Variants in KCNQ3 observed in about 807,000 individuals in gnomAD.
The protein encoded by KCNQ3 is potassium voltage-gated channel subfamily Q member 3, also known as potassium voltage-gated channel subfamily KQT member 3.
KCNQ3 carries 30 observed loss-of-function variants against 92.5 expected under a neutral mutation model. The ratio of observed to expected loss-of-function variants is 0.32; its 90% CI spans 0.24 to 0.44. The LOEUF (loss-of-function observed/expected upper bound fraction) is 0.44, where lower values mean the gene tolerates loss of function less well. Ranked by LOEUF, KCNQ3 falls within the 20% of genes least tolerant of loss-of-function variation. The pLI is 1.00. For missense variants in KCNQ3, 913 were observed against 1,140.3 expected, an observed-to-expected ratio of 0.80 and a Z score of 2.87; for synonymous variants, 450 against 468.8, an observed-to-expected ratio of 0.96 and a Z score of 0.52.
chr8:132,186,944 G>GAC (rs1826981783), intron 1 of KCNQ3, among the ~76,000 whole-genome samples: 1 of 116,328 alleles, frequency 8.6e-6, no homozygotes, highest in Admixed American at 8.0e-5. Context: ...GAGAGAGAGA[G>GAC]AGAGAGAGAG....
chr8:132,268,062 C>G (rs563718268), intron 1 of KCNQ3, among the ~76,000 whole-genome samples: 117 of 152,250 alleles, frequency 7.7e-4, no homozygotes, highest in Admixed American at 1.9e-3. Flanking sequence ...ATATATTGAT[C>G]TAAAAATCCT....
intron 1 of KCNQ3, among the ~76,000 whole-genome samples, chr8:132,349,667 C>T (rs1415959123): frequency 6.6e-6 from 1 of 152,252 alleles, no homozygotes; most frequent in Non-Finnish European, 1.5e-5. Context: ...GGAACAGATT[C>T]AGCCCAGGAG....
intron 1 of KCNQ3, among the ~76,000 whole-genome samples, chr8:132,384,351 G>T (rs1819837855): frequency 6.6e-6 from 1 of 152,222 alleles, no homozygotes; most frequent in African/African-American, 2.4e-5. Flanking sequence ...TTCACAAGAA[G>T]AGCAGATAGG....
chr8:132,300,492 C>A (rs973854183), intron 1 of KCNQ3, among the ~76,000 whole-genome samples: 11 of 152,138 alleles, frequency 7.2e-5, no homozygotes, highest in African/African-American at 2.7e-4. Context: ...AAAACCAGAA[C>A]CTGCTGAGAG....
intron 1 of KCNQ3, among the ~76,000 whole-genome samples, chr8:132,364,987 T>C (rs529513295): frequency 6.6e-6 from 1 of 152,068 alleles, no homozygotes; most frequent in Admixed American, 6.6e-5. Context: ...GAAGTGGTTG[T>C]CTCCTATTGT....
At chr8:132,363,717 C>A (rs1470311358) in intron 1 of KCNQ3, among the ~76,000 whole-genome samples, 1 of 151,818 alleles carries the variant, frequency 6.6e-6, no homozygotes, top group African/African-American at 2.4e-5. Flanking sequence ...GTGGCTCCCA[C>A]GTGCTCACGT....
chr8:132,467,522 A>G (rs1822201133), intron 1 of KCNQ3, among the ~76,000 whole-genome samples: 1 of 152,132 alleles, frequency 6.6e-6, no homozygotes, highest in South Asian at 2.1e-4. Flanking sequence ...GGAAGGACAG[A>G]AAAAGGGGGA....
chr8:132,368,064 C>T lies in KCNQ3; in HGVS notation c.386+112083G>A, dbSNP rs555287959. Among the ~76,000 whole-genome samples the T allele has an allele frequency of 3.3e-5, 5 of 152,262 alleles. No homozygotes were observed. The East Asian group carries it at 9.6e-4, about 29-fold the overall frequency. On this transcript the variant is annotated intron_variant, in intron 1 of 14. Coordinates refer to ENST00000388996, the MANE Select transcript of KCNQ3 (RefSeq NM_004519.4). Reference sequence around the variant, plus strand: ...CACAAGGCAACAGCACCTCCTTTCACAGGAGATATGTGAGAACTAAGTACA... The same window carrying T: ...CACAAGGCAACAGCACCTCCTTTCATAGGAGATATGTGAGAACTAAGTACA...
chr8:132,415,067 C>A (rs1820759918), intron 1 of KCNQ3, among the ~76,000 whole-genome samples: 2 of 152,166 alleles, frequency 1.3e-5, no homozygotes, highest in South Asian at 4.1e-4. Context: ...AAAGCAAGGG[C>A]AATTAAAGGC....
At chr8:132,450,991 G>A (rs969875963) in intron 1 of KCNQ3, among the ~76,000 whole-genome samples, 2 of 152,330 alleles carry the variant, frequency 1.3e-5, no homozygotes, top group African/African-American at 4.8e-5. Flanking sequence ...TTTCTGAAGA[G>A]CTTTTACTCA....
In KCNQ3 at chr8:132,125,648, A is replaced by C. The variant is rs544208478; in HGVS notation, c.*3614T>G. The C allele has an allele frequency of 6.6e-6, 1 of 152,324 alleles. No individual in the cohort carries two copies. Among genetic ancestry groups the C allele is most frequent in the African/African-American group, 2.4e-5 (1 of 41,574 alleles). The allele number at this position is 152,324 out of a possible 1,614,324, so 9.4% of individuals were successfully genotyped here. A position where few individuals can be genotyped will look rare whatever the true frequency, so the allele number is the denominator to read the frequency against. On this transcript the variant is annotated 3_prime_UTR_variant, in exon 15 of 15. Transcript: ENST00000388996. The stretch of plus-strand genomic sequence containing the variant: ...AGGTCCTATTAGATTAGGTTTTTCT[A>C]CAGGAAATTATTCTTTCAAACTACA...
chr8:132,256,023 G>C (rs1406299991), intron 1 of KCNQ3, among the ~76,000 whole-genome samples: 1 of 151,990 alleles, frequency 6.6e-6, no homozygotes, highest in Non-Finnish European at 1.5e-5. Context: ...AAAAAAAATT[G>C]TCTGTGAGGA....
intron 1 of KCNQ3, among the ~76,000 whole-genome samples, chr8:132,385,286 T>C (rs1819860986): frequency 6.6e-6 from 1 of 152,220 alleles, no homozygotes; most frequent in Non-Finnish European, 1.5e-5. Flanking sequence ...TTCCTTCCCT[T>C]CTACAGTTGC....
At chr8:132,443,312 G>C (rs1311444065) in intron 1 of KCNQ3, among the ~76,000 whole-genome samples, 1 of 151,768 alleles carries the variant, frequency 6.6e-6, no homozygotes, top group African/African-American at 2.4e-5. Context: ...CTCTGGCTTT[G>C]TTCACCGCTA....
chr8:132,145,841 A>G (rs1433766518), intron 9 of KCNQ3, among the ~76,000 whole-genome samples: 2 of 152,212 alleles, frequency 1.3e-5, no homozygotes, highest in East Asian at 1.9e-4. Flanking sequence ...AAGGATTAAG[A>G]TGATGGTGGT....
At chr8:132,196,490 G>A (rs531333259) in intron 1 of KCNQ3, among the ~76,000 whole-genome samples, 7 of 152,262 alleles carry the variant, frequency 4.6e-5, no homozygotes, top group South Asian at 2.1e-4. Flanking sequence ...CTTGCACCCC[G>A]TGCCACTGTG....
intron 6 of KCNQ3, among the ~76,000 whole-genome samples, chr8:132,173,560 T>C (rs1315144270): frequency 6.6e-6 from 1 of 152,056 alleles, no homozygotes; most frequent in Non-Finnish European, 1.5e-5. Flanking sequence ...CCCAATTAAG[T>C]CTCGGGTTTC....
chr8:132,320,877 A>T (rs189768952), intron 1 of KCNQ3, among the ~76,000 whole-genome samples: 1 of 152,326 alleles, frequency 6.6e-6, no homozygotes, highest in African/African-American at 2.4e-5. Context: ...ATTCACGTGC[A>T]ACAGTGAGAA....
chr8:132,146,775 A>T (rs1825463336), intron 9 of KCNQ3, among the ~76,000 whole-genome samples: 1 of 152,082 alleles, frequency 6.6e-6, no homozygotes. Flanking sequence ...TTTTAGTAGA[A>T]ACAGTGTTTT....
Sources: allele counts gnomAD v4.1 joint callset (sites outside exome capture counted in the v4.1 genomes callset), GRCh38; gene constraint gnomAD v4.1.1; transcripts MANE v1.5; gene names NCBI Gene and HGNC (gene_info 2026-07-23, HGNC 2026-07-21).